Variants in C5orf63 observed in about 807,000 individuals in gnomAD.
C5orf63 encodes the protein glutaredoxin-like protein C5orf63.
Under a neutral mutation model 13.3 loss-of-function variants are expected in C5orf63, and 18 were observed. The ratio of observed to expected loss-of-function variants is 1.36; its 90% CI spans 0.94 to 2.01. The LOEUF (loss-of-function observed/expected upper bound fraction) is 2.01. Among genes scored for constraint, C5orf63 ranks in the 30% most tolerant of loss-of-function variants. C5orf63 has a pLI of 0.00. For synonymous variants in C5orf63, 38 were observed against 44.7 expected (o/e 0.85, Z 0.60); for missense variants, 118 against 127.7 (o/e 0.92, Z 0.36).
chr5:127,047,468 C>A, downstream of C5orf63: 1 of 499,512 alleles, frequency 2.0e-6, no homozygotes, highest in Non-Finnish European at 3.5e-6. Context: ...TGTTGGGACC[C>A]ATGGGTTTGC....
intron 2 of C5orf63, among the ~76,000 whole-genome samples, chr5:127,061,500 T>C (rs544762744): frequency 6.6e-6 from 1 of 152,328 alleles, no homozygotes; most frequent in East Asian, 1.9e-4. Flanking sequence ...AGGAATATGA[T>C]GAGAATTTTA....
chr5:127,072,518 G>T (rs1698905733), intron 1 of C5orf63, among the ~76,000 whole-genome samples: 1 of 152,164 alleles, frequency 6.6e-6, no homozygotes, highest in Non-Finnish European at 1.5e-5. Context: ...GCTTAAACAA[G>T]ACAATGTATA....
chr5:127,060,277 T>G (rs1432823677), intron 2 of C5orf63, among the ~76,000 whole-genome samples: 1 of 152,182 alleles, frequency 6.6e-6, no homozygotes, highest in Non-Finnish European at 1.5e-5. Context: ...TCATCATAAC[T>G]TTTGGAAACC....
At chr5:127,063,360 G>A (rs1754182177) in intron 2 of C5orf63, among the ~76,000 whole-genome samples, 1 of 152,234 alleles carries the variant, frequency 6.6e-6, no homozygotes, top group Non-Finnish European at 1.5e-5. Context: ...GGTCGTTTGA[G>A]TCTTTATTAA....
At chr5:127,052,739 A>C (rs1468928881) in intron 3 of C5orf63, 70 bp from the exon 4 acceptor site, 1 of 1,238,108 alleles carries the variant, frequency 8.1e-7, no homozygotes, top group African/African-American at 1.5e-5. Context: ...AAACAAAACA[A>C]AACAAAAAAC....
chr5:127,061,121 G>T (rs1459555593), intron 2 of C5orf63, among the ~76,000 whole-genome samples: 1 of 152,122 alleles, frequency 6.6e-6, no homozygotes, highest in Non-Finnish European at 1.5e-5. Context: ...AATAACTAAA[G>T]ATCAGTGCTC....
chr5:127,051,359 C>A lies in C5orf63; in HGVS notation c.*412G>T. ...GCACAGTTATTAACAATTCACATTT[C>A]ACTTTATCTACTGAGTGGAAGAGCA... On this transcript the variant is annotated 3_prime_UTR_variant, in exon 5 of 5. Transcript: ENST00000296662. 1.6e-6 allele frequency: 2 copies of A among 1,231,806 alleles called. No individual in the cohort carries two copies. The highest frequency in any genetic ancestry group is 8.2e-5 in the South Asian group (2 of 24,320). 76.3% of individuals were successfully genotyped at this position (1,231,806 alleles called of 1,614,324 possible). A position where few individuals can be genotyped will look rare whatever the true frequency, so the allele number is the denominator to read the frequency against.
At chr5:127,062,671 A>C (rs1418245128) in intron 2 of C5orf63, among the ~76,000 whole-genome samples, 1 of 152,228 alleles carries the variant, frequency 6.6e-6, no homozygotes, top group Non-Finnish European at 1.5e-5. Flanking sequence ...ATTGCTGTCA[A>C]TGTCACATTC....
chr5:127,072,703 T>C (rs1197243704), intron 1 of C5orf63, among the ~76,000 whole-genome samples: 1 of 152,068 alleles, frequency 6.6e-6, no homozygotes, highest in Non-Finnish European at 1.5e-5. Flanking sequence ...TAAACAAGAA[T>C]AAAGATCACC....
chr5:127,067,986 T>C (rs910196617), intron 2 of C5orf63, among the ~76,000 whole-genome samples: 2 of 152,036 alleles, frequency 1.3e-5, no homozygotes, highest in African/African-American at 4.8e-5. Flanking sequence ...TCACATAGAG[T>C]TTCCGTTGAA....
intron 2 of C5orf63, among the ~76,000 whole-genome samples, chr5:127,061,968 T>C (rs1754127160): frequency 6.6e-6 from 1 of 152,232 alleles, no homozygotes; most frequent in Non-Finnish European, 1.5e-5. Flanking sequence ...TGCAGCTACA[T>C]GCTTCTGGTG....
chr5:127,072,458 G>A (rs936081854), intron 1 of C5orf63, among the ~76,000 whole-genome samples: 3 of 152,138 alleles, frequency 2.0e-5, no homozygotes, highest in Non-Finnish European at 2.9e-5. Context: ...ACCTCTAATA[G>A]ACACCTCAAC....
chr5:127,051,354 C>G lies in C5orf63; in HGVS notation c.*417G>C, dbSNP rs1753666005. On this transcript the variant is annotated 3_prime_UTR_variant, in exon 5 of 5. Transcript: ENST00000296662. ...ACCGTGCACAGTTATTAACAATTCA[C>G]ATTTCACTTTATCTACTGAGTGGAA... 8.1e-7 allele frequency: 1 copy of G among 1,231,668 alleles called. No homozygotes were observed. Among genetic ancestry groups the G allele is most frequent in the Non-Finnish European group, 1.0e-6 (1 of 987,966 alleles). 76.3% of individuals were successfully genotyped at this position (1,231,668 alleles called of 1,614,324 possible). A position where few individuals can be genotyped will look rare whatever the true frequency, so the allele number is the denominator to read the frequency against.
At chr5:127,061,842 T>C (rs1278440707) in intron 2 of C5orf63, among the ~76,000 whole-genome samples, 3 of 152,196 alleles carry the variant, frequency 2.0e-5, no homozygotes, top group Admixed American at 1.3e-4. Context: ...ATTAGCTTTA[T>C]TAAAGGCAGA....
chr5:127,058,350 G>A (rs1753968251), intron 3 of C5orf63, among the ~76,000 whole-genome samples: 1 of 152,290 alleles, frequency 6.6e-6, no homozygotes, highest in South Asian at 2.1e-4. Context: ...CTGCATCCAT[G>A]TTGCTGCAAA....
At chr5:127,058,629 C>T in intron 3 of C5orf63, 1 of 359,510 alleles carries the variant, frequency 2.8e-6, no homozygotes, top group East Asian at 5.0e-5. Context: ...TTTTAAACAC[C>T]ATATTATAAC....
intron 4 of C5orf63, chr5:127,052,376 AGTT>A (rs1204747585): frequency 7.8e-6 from 3 of 382,936 alleles, no homozygotes; most frequent in Non-Finnish European, 1.4e-5. Context: ...TGCACCTGCT[AGTT>A]AACTTTGACT....
At chr5:127,069,820 A>C (rs891570039) in intron 2 of C5orf63, among the ~76,000 whole-genome samples, 1 of 152,120 alleles carries the variant, frequency 6.6e-6, no homozygotes, top group Non-Finnish European at 1.5e-5. Context: ...ATGTTTTGGA[A>C]CTGGAAGTGA....
intron 3 of C5orf63, among the ~76,000 whole-genome samples, chr5:127,055,921 C>T (rs1299063727): frequency 6.6e-6 from 1 of 151,988 alleles, no homozygotes; most frequent in African/African-American, 2.4e-5. Context: ...AGGAAAGGCT[C>T]ATCAAATTTT....
Sources: allele counts gnomAD v4.1 joint callset (sites outside exome capture counted in the v4.1 genomes callset), GRCh38; gene constraint gnomAD v4.1.1; transcripts MANE v1.5; gene names NCBI Gene and HGNC (gene_info 2026-07-23, HGNC 2026-07-21).